The following PARP10 variants were observed in gnomAD, a reference collection of about 807,000 sequenced individuals.
PARP10 encodes the protein poly(ADP-ribose) polymerase family member 10, also known as protein mono-ADP-ribosyltransferase PARP10.
PARP10 carries 56 observed loss-of-function variants against 82.4 expected under a neutral mutation model. That is an observed-to-expected ratio of 0.68 (90% CI 0.55 to 0.85). The LOEUF (loss-of-function observed/expected upper bound fraction) is 0.85. Among genes scored for constraint, PARP10 ranks in the 40% least tolerant of loss-of-function variants. The pLI is 0.00. For missense variants in PARP10, 1,227 were observed against 1,379.4 expected (o/e 0.89, Z 1.75); for synonymous variants, 576 against 601.1 (o/e 0.96, Z 0.61).
At chr8:143,999,362 CT>C (rs1408957612) in intron 1 of PARP10, among the ~76,000 whole-genome samples, 1 of 152,112 alleles carries the variant, frequency 6.6e-6, no homozygotes, top group Non-Finnish European at 1.5e-5. Flanking sequence ...ACCACCACCC[CT>C]GGCTAATTTT....
In PARP10 at chr8:143,977,232, A is replaced by C. The variant is rs1833708247; in HGVS notation, c.*252T>G. 5.7e-6 allele frequency: 3 copies of C among 524,484 alleles called. No homozygotes were observed. Among genetic ancestry groups the C allele is most frequent in the Admixed American group, 3.6e-5 (1 of 27,664 alleles). The allele number at this position is 524,484 out of a possible 1,614,324, so 32.5% of individuals were successfully genotyped here. Reference sequence around the variant, plus strand: ...AGAGCCGACTCGGGCGAGGTCTGGGAGCGGCGGGCGGGCGGTGTCGCCTCC... The same window carrying C: ...AGAGCCGACTCGGGCGAGGTCTGGGCGCGGCGGGCGGGCGGTGTCGCCTCC... On this transcript the variant is annotated 3_prime_UTR_variant, in exon 11 of 11. Coordinates refer to ENST00000313028, the MANE Select transcript of PARP10 (RefSeq NM_032789.5).
At chr8:144,002,937 A>T (rs1379062695) in intron 1 of PARP10, among the ~76,000 whole-genome samples, 6 of 152,222 alleles carry the variant, frequency 3.9e-5, no homozygotes, top group Non-Finnish European at 8.8e-5. Context: ...AATTGAGAAG[A>T]CAAGTTAAAA....
chr8:143,984,019 T>A lies in PARP10; in HGVS notation c.1766A>T (p.Asp589Val). The A allele has an allele frequency of 6.6e-7, 1 of 1,518,020 alleles. No homozygotes were observed. 94.0% of individuals were successfully genotyped at this position (1,518,020 alleles called of 1,614,324 possible). ...CCAGGGAGCCCTACCCAGGCTCACG[T>A]CCTCCTGGTCACCACCTGTACTGTC... ...TPDSTGGDQE[D>V]VSLEEVRELL... The change falls in exon 7 of 11, where the codon GAC (aspartate) becomes GTC (valine). Residue 589 changes from aspartate (D) to valine (V), a missense_variant. Coordinates refer to ENST00000313028, the MANE Select transcript of PARP10 (RefSeq NM_032789.5).
chr8:143,995,548 A>G (rs1265770116), upstream of PARP10, among the ~76,000 whole-genome samples: 1 of 152,126 alleles, frequency 6.6e-6, no homozygotes, highest in Admixed American at 6.5e-5. Flanking sequence ...GGCTGAACGC[A>G]CCTGTAGCAA....
chr8:143,991,302 C>T, upstream of PARP10: 1 of 1,427,074 alleles, frequency 7.0e-7, no homozygotes, highest in East Asian at 2.4e-5. Context: ...GGGGCCCCAG[C>T]CACCCATGCC....
intron 9 of PARP10, among the ~76,000 whole-genome samples, chr8:143,978,618 G>T: frequency 6.6e-6 from 1 of 152,196 alleles, no homozygotes. Context: ...ATTCAGAAAG[G>T]GACGCTGAGC....
At chr8:143,991,891 T>C, upstream of PARP10, 2 of 1,611,926 alleles carry the variant, frequency 1.2e-6, no homozygotes, top group Non-Finnish European at 1.7e-6. Flanking sequence ...TTCCTAGTGC[T>C]GACCTTGCAG....
rs951878196 is a variant in PARP10, at chr8:144,008,347, G to C, written c.-80+4183C>G. 6.6e-6 allele frequency among the ~76,000 whole-genome samples: 1 copy of C among 152,164 alleles called. No homozygotes were observed. The highest frequency in any genetic ancestry group is 2.4e-5 in the African/African-American group (1 of 41,436). On this transcript the variant is annotated intron_variant, in intron 1 of 3. Coordinates refer to the PARP10 transcript ENST00000530478. The surrounding 1 kb of genome is among the most constrained non-coding windows in gnomAD (Gnocchi z 4.0). ...CTTCAGAAGGAAACTTATTAAACAC[G>C]CAGAGAATCCCAAGCCAAGAAAGGG...
At chr8:144,006,552 A>C (rs2133081813) in intron 1 of PARP10, among the ~76,000 whole-genome samples, 1 of 152,326 alleles carries the variant, frequency 6.6e-6, no homozygotes, top group South Asian at 2.1e-4. Flanking sequence ...AATTAACCAA[A>C]GTTTGGGGTC....
At chr8:144,006,303 G>A (rs1031558500) in intron 1 of PARP10, among the ~76,000 whole-genome samples, 7 of 152,216 alleles carry the variant, frequency 4.6e-5, no homozygotes, top group Non-Finnish European at 1.0e-4. Context: ...ATGCATCACC[G>A]CATCTCACAC....
chr8:144,012,026 C>G (rs1419189868), intron 1 of PARP10, among the ~76,000 whole-genome samples: 1 of 152,198 alleles, frequency 6.6e-6, no homozygotes, highest in African/African-American at 2.4e-5. Flanking sequence ...TACTGTTTAC[C>G]TACAAACATT....
chr8:143,979,042 G>A (rs1246820461), intron 9 of PARP10, among the ~76,000 whole-genome samples: 2 of 150,738 alleles, frequency 1.3e-5, no homozygotes, highest in African/African-American at 2.4e-5. Context: ...GCACGATCTC[G>A]GCTCACTGCA....
chr8:143,982,719 C>T (rs1554748011), intron 9 of PARP10, among the ~76,000 whole-genome samples: 1 of 152,210 alleles, frequency 6.6e-6, no homozygotes, highest in Non-Finnish European at 1.5e-5. Flanking sequence ...CTCACTCAGG[C>T]CTATCAGATC....
At position 144,012,609 on chromosome 8, in the gene PARP10, C is replaced by T. The variant is rs192803282; in HGVS notation, c.-159G>A. 2.9e-3 allele frequency: 4,450 copies of T among 1,551,702 alleles called. 11 individuals carry two copies. The highest frequency in any genetic ancestry group is 9.0e-3 in the Middle Eastern group (54 of 5,992). ...ACTGAAGAAGTTGGTGCGGCTCATTCGGGAGAATCACGAGCTCAAGTCAGC... is the reference window on the plus strand; with the variant it reads ...ACTGAAGAAGTTGGTGCGGCTCATTTGGGAGAATCACGAGCTCAAGTCAGC... On this transcript the variant is annotated 5_prime_UTR_variant, in exon 1 of 4. Coordinates refer to the PARP10 transcript ENST00000530478.
chr8:144,008,084 G>A lies in PARP10; in HGVS notation c.-80+4446C>T, dbSNP rs1433058801. 2.0e-5 allele frequency among the ~76,000 whole-genome samples: 3 copies of A among 152,130 alleles called. No individual in the cohort carries two copies. The highest frequency in any genetic ancestry group is 2.1e-4 in the South Asian group (1 of 4,836). ...AGCACAGACTAGACAACTACCTCCC[G>A]GCAGCTCCTCGTCAGCAACAGGCAG... On this transcript the variant is annotated intron_variant, in intron 1 of 3. Transcript: ENST00000530478. This position sits in a 1 kb window ranked among gnomAD's most constrained non-coding sequence, Gnocchi z 4.0.
At chr8:144,004,976 C>T (rs895216828) in intron 1 of PARP10, among the ~76,000 whole-genome samples, 2 of 151,992 alleles carry the variant, frequency 1.3e-5, no homozygotes, top group African/African-American at 4.8e-5. Context: ...GTCAGGAGTT[C>T]GAGACCAGCC....
At position 143,985,988 on chromosome 8, in the gene PARP10, G is replaced by T. The variant is rs367847333; in HGVS notation, c.182-13C>A. On this transcript the variant is annotated splice_polypyrimidine_tract_variant and intron_variant, in intron 2 of 10. Coordinates refer to ENST00000313028, the MANE Select transcript of PARP10 (RefSeq NM_032789.5). ...ACCCTCTCGGCGTCTGTGGGCAGGGGCGGGGCAGGATGTCAGGCATTAGAA... is the reference window on the plus strand; with the variant it reads ...ACCCTCTCGGCGTCTGTGGGCAGGGTCGGGGCAGGATGTCAGGCATTAGAA... 1 of 1,595,732 alleles carries T rather than the reference G, an allele frequency of 6.3e-7. No individual in the cohort carries two copies.
chr8:143,980,318 T>TAAA (rs1564247548), intron 9 of PARP10, among the ~76,000 whole-genome samples: 3 of 15,680 alleles, frequency 1.9e-4, no homozygotes, highest in Admixed American at 1.3e-3. Context: ...AGATTCCGTC[T>TAAA]CAAAAAAAAA....
At position 143,985,183 on chromosome 8, in the gene PARP10, G is replaced by C. The variant is rs782173248; in HGVS notation, c.819C>G (p.Thr273=). 1 of 1,614,142 alleles carries C rather than the reference G, an allele frequency of 6.2e-7. No individual in the cohort carries two copies. The highest frequency in any genetic ancestry group is 1.7e-5 in the Admixed American group (1 of 60,022). ...CTCCGGTCCTCAGGAGAGCATGCTT[G>C]GTAGCCCTAGGCCCCTGGGTGGACG... The part of the protein sequence containing the change: ...DHPSTQGPRA[T]KHALLRTGGL... Residue 273 remains threonine, a synonymous_variant, in exon 5 of 11, where the codon ACC becomes ACG. Coordinates refer to ENST00000313028, the MANE Select transcript of PARP10 (RefSeq NM_032789.5).
Sources: allele counts gnomAD v4.1 joint callset (sites outside exome capture counted in the v4.1 genomes callset), GRCh38; gene constraint gnomAD v4.1.1; non-coding constraint Gnocchi (gnomAD v3.1); transcripts MANE v1.5; gene names NCBI Gene and HGNC (gene_info 2026-07-23, HGNC 2026-07-21).